The following PPP1R9A variants were observed in gnomAD, a reference collection of about 807,000 sequenced individuals.
PPP1R9A encodes the protein protein phosphatase 1 regulatory subunit 9A.
A neutral mutation model predicts 141.9 loss-of-function variants in PPP1R9A; 59 were observed. That is an observed-to-expected ratio of 0.42 (90% CI 0.34 to 0.52). The LOEUF is 0.52. Among genes scored for constraint, PPP1R9A ranks in the 20% least tolerant of loss-of-function variants. The pLI is 0.10. For missense variants in PPP1R9A, 1,444 were observed against 1,611.9 expected (o/e 0.90, Z 1.78); for synonymous variants, 500 against 569.7 (o/e 0.88, Z 1.74).
intron 2 of PPP1R9A, among the ~76,000 whole-genome samples, chr7:95,027,027 G>A (rs2078883): frequency 1.1e-3 from 171 of 152,236 alleles, no homozygotes; most frequent in Non-Finnish European, 1.8e-3. Flanking sequence ...GACTCCATAG[G>A]GGTGGGATCT....
At chr7:94,941,914 A>C (rs976300174) in intron 2 of PPP1R9A, among the ~76,000 whole-genome samples, 11 of 152,056 alleles carry the variant, frequency 7.2e-5, no homozygotes, top group Non-Finnish European at 1.0e-4. Context: ...CATCTTTGTG[A>C]CCTTAAGCCA....
chr7:95,100,432 A>G (rs1818609849), intron 2 of PPP1R9A, among the ~76,000 whole-genome samples: 1 of 152,216 alleles, frequency 6.6e-6, no homozygotes, highest in African/African-American at 2.4e-5. Context: ...TATAAGAAGA[A>G]TACTATGGAG....
intron 2 of PPP1R9A, among the ~76,000 whole-genome samples, chr7:94,986,763 A>G (rs1800898130): frequency 6.6e-6 from 1 of 152,228 alleles, no homozygotes; most frequent in African/African-American, 2.4e-5. Flanking sequence ...TTAAAAAGAA[A>G]AGGGAAAAAG....
At chr7:94,909,706 C>CTT (rs34862598) in intron 1 of PPP1R9A, among the ~76,000 whole-genome samples, 192 bp from the exon 2 acceptor site, 1,911 of 128,520 alleles carry the variant, frequency 0.015, 47 homozygotes, top group African/African-American at 0.047. Context: ...GTGTTTGGAA[C>CTT]TTTTTTTTTT....
At chr7:95,058,924 G>A (rs992812542) in intron 2 of PPP1R9A, among the ~76,000 whole-genome samples, 1 of 151,958 alleles carries the variant, frequency 6.6e-6, no homozygotes, top group Non-Finnish European at 1.5e-5. Flanking sequence ...CAAATAGTTG[G>A]GATTGTAGGC....
chr7:95,007,207 G>A (rs138610789), intron 2 of PPP1R9A, among the ~76,000 whole-genome samples: 60 of 152,252 alleles, frequency 3.9e-4, no homozygotes, highest in Non-Finnish European at 7.1e-4. Context: ...GTGCCTCATT[G>A]GAGTACAGAG....
intron 2 of PPP1R9A, among the ~76,000 whole-genome samples, chr7:95,102,461 T>C (rs1434824570): frequency 6.6e-6 from 1 of 152,186 alleles, no homozygotes; most frequent in Non-Finnish European, 1.5e-5. Flanking sequence ...GCAGCCTCAG[T>C]ATCATAATCG....
chr7:94,979,117 T>C (rs1278628256), intron 2 of PPP1R9A, among the ~76,000 whole-genome samples: 1 of 152,210 alleles, frequency 6.6e-6, no homozygotes, highest in Non-Finnish European at 1.5e-5. Context: ...TTTGTAGTGA[T>C]AGAATTTGAG....
chr7:95,209,739 G>GATCTATCT (rs1791675687), intron 7 of PPP1R9A, among the ~76,000 whole-genome samples: 1 of 152,016 alleles, frequency 6.6e-6, no homozygotes, highest in South Asian at 2.1e-4. Flanking sequence ...TCTATCTGAT[G>GATCTATCT]ATCTGATAGC....
intron 5 of PPP1R9A, among the ~76,000 whole-genome samples, chr7:95,185,058 A>G (rs530057444): frequency 2.7e-5 from 4 of 147,154 alleles, no homozygotes; most frequent in Middle Eastern, 6.9e-3. Flanking sequence ...TATTTTTATT[A>G]TACTTTAAGT....
At position 95,269,377 on chromosome 7, in the gene PPP1R9A, C is replaced by T. The variant is rs746143150; in HGVS notation, c.2994C>T (p.Asp998=). 6.3e-7 allele frequency: 1 copy of T among 1,598,114 alleles called. No individual in the cohort carries two copies. The highest frequency in any genetic ancestry group is 8.5e-7 in the Non-Finnish European group (1 of 1,179,148). The change falls in exon 14 of 20, where the codon GAC becomes GAT. Residue 998 remains aspartate, a synonymous_variant. Coordinates refer to ENST00000433360, the MANE Select transcript of PPP1R9A (RefSeq NM_001166160.2). ...HIAEFQEEPL[D]PEMGPLSSMW... ...CTGAATTTCAAGAAGAACCACTGGA[C>T]CCAGAAATGGGGCCTCTCTCCTCTA...
At chr7:94,983,676 A>G (rs1800419912) in intron 2 of PPP1R9A, among the ~76,000 whole-genome samples, 5 of 152,110 alleles carry the variant, frequency 3.3e-5, no homozygotes, top group Admixed American at 3.3e-4. Flanking sequence ...TTGCACATTG[A>G]TTTTGTATCC....
chr7:95,096,719 C>CTGTA (rs926402599), intron 2 of PPP1R9A, among the ~76,000 whole-genome samples: 1 of 152,186 alleles, frequency 6.6e-6, no homozygotes, highest in Non-Finnish European at 1.5e-5. Flanking sequence ...TCATTCACTG[C>CTGTA]TGTATGTAGC....
chr7:95,061,849 C>T, intron 2 of PPP1R9A, among the ~76,000 whole-genome samples: 1 of 152,084 alleles, frequency 6.6e-6, no homozygotes, highest in Middle Eastern at 3.2e-3. Context: ...CAGCAATATT[C>T]CTGAAAATGG....
intron 4 of PPP1R9A, among the ~76,000 whole-genome samples, chr7:95,140,035 G>T (rs578144839): frequency 6.6e-6 from 1 of 152,254 alleles, no homozygotes; most frequent in African/African-American, 2.4e-5. Flanking sequence ...GGCTATACTG[G>T]AAGAAAATAA....
intron 4 of PPP1R9A, among the ~76,000 whole-genome samples, chr7:95,154,456 A>T (rs1380580723): frequency 1.3e-5 from 2 of 152,090 alleles, no homozygotes; most frequent in African/African-American, 4.8e-5. Context: ...ACAAAGATTC[A>T]CTTTTATTGC....
intron 5 of PPP1R9A, among the ~76,000 whole-genome samples, chr7:95,164,701 T>A (rs1047785182): frequency 7.3e-5 from 11 of 151,266 alleles, no homozygotes; most frequent in Non-Finnish European, 1.6e-4. Context: ...TTTCTTTAAT[T>A]TTCTCTTCCA....
At chr7:95,238,767 A>C (rs1040072236) in intron 8 of PPP1R9A, among the ~76,000 whole-genome samples, 5 of 152,238 alleles carry the variant, frequency 3.3e-5, no homozygotes, top group Admixed American at 3.3e-4. Context: ...GATTACTCAT[A>C]TTCTAACTTC....
At chr7:94,994,154 A>G (rs1219591582) in intron 2 of PPP1R9A, among the ~76,000 whole-genome samples, 3 of 152,198 alleles carry the variant, frequency 2.0e-5, no homozygotes, top group African/African-American at 7.2e-5. Context: ...GAACAAATAA[A>G]TAGTCATGTA....
Sources: gnomAD v4.1 joint callset for allele counts (sites outside exome capture counted in the v4.1 genomes callset) on GRCh38, gnomAD v4.1.1 for gene constraint, MANE v1.5 for transcripts, NCBI Gene and HGNC (gene_info 2026-07-23, HGNC 2026-07-21) for gene names.